Variants in VOPP1 observed in about 807,000 individuals in gnomAD.
VOPP1 encodes WW domain binding protein VOPP1.
VOPP1 carries 8 observed loss-of-function variants against 23.5 expected under a neutral mutation model. That is an observed-to-expected ratio of 0.34 (90% CI 0.20 to 0.61). VOPP1 has a LOEUF of 0.61. VOPP1 is among the 20% of genes least tolerant of loss of function. The pLI is 0.78. For synonymous variants in VOPP1, 83 were observed against 97.3 expected (o/e 0.85, Z 0.86); for missense variants, 174 against 238.1 (o/e 0.73, Z 1.77).
At chr7:55,493,389 A>G (rs1268737528) in intron 3 of VOPP1, among the ~76,000 whole-genome samples, 1 of 152,252 alleles carries the variant, frequency 6.6e-6, no homozygotes, top group Non-Finnish European at 1.5e-5. Context: ...CACACAGCAG[A>G]GCGGGTCGCA....
intron 2 of VOPP1, among the ~76,000 whole-genome samples, chr7:55,502,006 A>T (rs1317714921): frequency 6.6e-6 from 1 of 152,230 alleles, no homozygotes; most frequent in Non-Finnish European, 1.5e-5. Context: ...TGCACTTGAT[A>T]TAAAAGAGGA....
intron 1 of VOPP1, among the ~76,000 whole-genome samples, chr7:55,569,072 G>A (rs956030752): frequency 6.6e-6 from 1 of 152,208 alleles, no homozygotes; most frequent in East Asian, 1.9e-4. Context: ...ACAGGGGAGA[G>A]GGAGATAAAA....
intron 4 of VOPP1, among the ~76,000 whole-genome samples, chr7:55,478,010 C>T (rs1472039533): frequency 6.6e-6 from 1 of 152,186 alleles, no homozygotes. Context: ...CCTCACAGGA[C>T]GCTGGCCATG....
At chr7:55,492,903 TC>T (rs1562923289) in intron 3 of VOPP1, 1 of 152,626 alleles carries the variant, frequency 6.6e-6, no homozygotes, top group Admixed American at 6.5e-5. Context: ...AGACCACGTC[TC>T]CATTATCACA....
In VOPP1 at chr7:55,512,453, A is replaced by G. The variant is rs75728832; in HGVS notation, c.113+8619T>C. On this transcript the variant is annotated intron_variant, in intron 2 of 4. Coordinates refer to ENST00000285279, the MANE Select transcript of VOPP1 (RefSeq NM_030796.5). ...AAAAAAGGAAAAGAAAAATAAATCA[A>G]GGTCACATTTTAGGGGTCTAAAGTT... Among the ~76,000 whole-genome samples the G allele has an allele frequency of 2.0e-3, 303 of 152,260 alleles. 1 individual carries two copies. The highest frequency in any genetic ancestry group is 6.8e-3 in the African/African-American group (283 of 41,548).
intron 1 of VOPP1, among the ~76,000 whole-genome samples, chr7:55,533,239 T>C (rs1490901651): frequency 2.6e-5 from 4 of 152,134 alleles, no homozygotes; most frequent in Non-Finnish European, 5.9e-5. Flanking sequence ...CCAGTGAGGA[T>C]GGAGGCCGGT....
chr7:55,460,718 A>C (rs577385098), intron 4 of VOPP1, among the ~76,000 whole-genome samples: 1 of 152,246 alleles, frequency 6.6e-6, no homozygotes, highest in Non-Finnish European at 1.5e-5. Context: ...CATTTGTCAT[A>C]TATAATGACC....
intron 2 of VOPP1, among the ~76,000 whole-genome samples, chr7:55,517,411 G>C (rs1222778155): frequency 6.6e-6 from 1 of 152,076 alleles, no homozygotes; most frequent in Admixed American, 6.5e-5. Flanking sequence ...AGACACCTGT[G>C]GATGGAATGA....
At chr7:55,530,058 T>A (rs541887103) in intron 1 of VOPP1, among the ~76,000 whole-genome samples, 4 of 152,142 alleles carry the variant, frequency 2.6e-5, no homozygotes, top group Non-Finnish European at 4.4e-5. Flanking sequence ...TCTTAATTTC[T>A]TGGGTACATA....
intron 2 of VOPP1, among the ~76,000 whole-genome samples, chr7:55,514,970 T>G (rs2129037293): frequency 6.6e-6 from 1 of 152,320 alleles, no homozygotes; most frequent in Middle Eastern, 3.4e-3. Context: ...GGATAAGCCC[T>G]GGACCCTGTG....
chr7:55,571,976 A>C, intron 1 of VOPP1: 1 of 345,948 alleles, frequency 2.9e-6, no homozygotes, highest in Non-Finnish European at 5.3e-6. Context: ...ACGGTGCACA[A>C]AGGTCACCCC....
intron 1 of VOPP1, among the ~76,000 whole-genome samples, chr7:55,524,548 T>C (rs1796054101): frequency 6.6e-6 from 1 of 152,244 alleles, no homozygotes; most frequent in Non-Finnish European, 1.5e-5. Context: ...AGTTAATGCA[T>C]GGCATGATTC....
At chr7:55,571,670 C>T (rs1798361634) in intron 1 of VOPP1, 1 of 152,354 alleles carries the variant, frequency 6.6e-6, no homozygotes, top group Admixed American at 6.5e-5. Flanking sequence ...CTCCGCACCC[C>T]CACCCAGCCA....
intron 4 of VOPP1, among the ~76,000 whole-genome samples, chr7:55,440,045 C>T (rs759604977): frequency 1.3e-5 from 2 of 152,174 alleles, no homozygotes; most frequent in Non-Finnish European, 2.9e-5. Flanking sequence ...AGGCAGGTTG[C>T]GTGGTAGCCT....
At chr7:55,492,957 C>T (rs149608341) in intron 3 of VOPP1, 14 of 152,358 alleles carry the variant, frequency 9.2e-5, no homozygotes, top group African/African-American at 3.1e-4. Flanking sequence ...CTGGAGCACA[C>T]CTTAATTACA....
chr7:55,568,773 G>A (rs765852496), intron 1 of VOPP1, among the ~76,000 whole-genome samples: 15 of 152,214 alleles, frequency 9.9e-5, no homozygotes, highest in Non-Finnish European at 1.8e-4. Flanking sequence ...CAACTGAAGT[G>A]TAGTCAGTTT....
intron 4 of VOPP1, among the ~76,000 whole-genome samples, chr7:55,446,016 G>A (rs1421601382): frequency 2.3e-4 from 32 of 139,282 alleles, no homozygotes; most frequent in Middle Eastern, 3.8e-3. Context: ...TTTTTGAGAC[G>A]GAGTCTCGCT....
intron 2 of VOPP1, among the ~76,000 whole-genome samples, chr7:55,501,243 G>A (rs115753480): frequency 2.0e-5 from 3 of 152,082 alleles, no homozygotes; most frequent in South Asian, 2.1e-4. Flanking sequence ...ATAAAGATGC[G>A]ATATGAGGTG....
At chr7:55,437,635 T>C (rs528232458) in intron 4 of VOPP1, among the ~76,000 whole-genome samples, 1 of 152,182 alleles carries the variant, frequency 6.6e-6, no homozygotes, top group African/African-American at 2.4e-5. Flanking sequence ...TCTAGGAAAT[T>C]TTCTTGAGTT....
Sources: allele counts gnomAD v4.1 joint callset (sites outside exome capture counted in the v4.1 genomes callset), GRCh38; gene constraint gnomAD v4.1.1; transcripts MANE v1.5; gene names NCBI Gene and HGNC (gene_info 2026-07-23, HGNC 2026-07-21).